DCAF6: variants seen among roughly 807,000 people sequenced by gnomAD.
DCAF6 encodes the protein DDB1- and CUL4-associated factor 6.
Under a neutral mutation model 125.1 loss-of-function variants are expected in DCAF6, and 54 were observed. That is an observed-to-expected ratio of 0.43 (90% CI 0.35 to 0.54). DCAF6 has a LOEUF of 0.54. Among genes scored for constraint, DCAF6 ranks in the 20% least tolerant of loss-of-function variants. DCAF6 has a pLI of 0.01. For missense variants in DCAF6, 934 were observed against 1,161.7 expected, an observed-to-expected ratio of 0.80 and a Z score of 2.85; for synonymous variants, 371 against 390.4, an observed-to-expected ratio of 0.95 and a Z score of 0.58.
chr1:167,984,069 C>T (rs1679590321), intron 4 of DCAF6, among the ~76,000 whole-genome samples: 1 of 152,180 alleles, frequency 6.6e-6, no homozygotes, highest in African/African-American at 2.4e-5. Flanking sequence ...TAAAGTGGCT[C>T]AAGGCTCACT....
intron 5 of DCAF6, 42 bp from the exon 6 acceptor site, chr1:167,991,162 C>A: frequency 6.6e-7 from 1 of 1,513,136 alleles, no homozygotes; most frequent in Non-Finnish European, 9.0e-7. Context: ...TTCACCTCTG[C>A]TGTATAACTA....
At chr1:167,890,162 A>T in the DCAF6 span, among the ~76,000 whole-genome samples, 4 of 152,202 alleles carry the variant, frequency 2.6e-5, no homozygotes, top group East Asian at 7.7e-4. Context: ...TATTTATTGT[A>T]GTCTTTGACA....
At chr1:167,877,344 G>A in the DCAF6 span, among the ~76,000 whole-genome samples, 53 of 151,480 alleles carry the variant, frequency 3.5e-4, no homozygotes, top group Admixed American at 1.1e-3. Flanking sequence ...TATTCAAACT[G>A]CACTTTATTG....
rs74120572 is a variant in DCAF6 at position 167,948,944 on chromosome 1, G to A, written c.98-2856G>A. ...TGGGATTACAGGTGTGAGCCACCAC[G>A]CACAGCAATCACCATGTGTTATTGA... On this transcript the variant is annotated intron_variant, in intron 1 of 21. Coordinates refer to ENST00000367840, the MANE Select transcript of DCAF6 (RefSeq NM_001198956.2). Among the ~76,000 whole-genome samples, 4 of 152,166 alleles carry A rather than the reference G, an allele frequency of 2.6e-5. No individual in the cohort carries two copies. The South Asian group carries it at 6.2e-4, about 24-fold the overall frequency.
intron 1 of DCAF6, among the ~76,000 whole-genome samples, chr1:167,947,220 C>G (rs944986796): frequency 1.3e-5 from 2 of 151,974 alleles, no homozygotes; most frequent in African/African-American, 4.8e-5. Flanking sequence ...TGTAATGTCT[C>G]CTTTTTCATT....
At chr1:167,909,032 T>C in the DCAF6 span, among the ~76,000 whole-genome samples, 1 of 152,222 alleles carries the variant, frequency 6.6e-6, no homozygotes, top group African/African-American at 2.4e-5. Context: ...CATTACCAGC[T>C]TTCCAGAAGT....
Position 168,075,109 on chromosome 1 carries a change from T to C in DCAF6, c.2792-262T>C, listed in dbSNP as rs148211991. On this transcript the variant is annotated intron_variant, in intron 21 of 21. Transcript: ENST00000367840. ...AAACCTAGACTCCAAAGAACACTGT[T>C]TGACAACCACTGCAGTAGAACATAA... 1.5e-4 allele frequency among the ~76,000 whole-genome samples: 23 copies of C among 152,350 alleles called. No homozygotes were observed. In the East Asian group the frequency reaches 4.2e-3, roughly 28 times the overall value.
chr1:168,006,812 G>A (rs960560733), intron 10 of DCAF6, among the ~76,000 whole-genome samples: 1 of 152,068 alleles, frequency 6.6e-6, no homozygotes, highest in African/African-American at 2.4e-5. Flanking sequence ...CCCTTTACAT[G>A]TCCTCCCTCA....
chr1:167,990,965 TATTG>T (rs1680739200), intron 5 of DCAF6, among the ~76,000 whole-genome samples: 2 of 152,256 alleles, frequency 1.3e-5, no homozygotes, highest in South Asian at 4.1e-4. Flanking sequence ...TCCTTAGAAA[TATTG>T]ATTGAGTATA....
chr1:168,006,892 C>T (rs895653242), intron 10 of DCAF6, among the ~76,000 whole-genome samples: 1 of 152,132 alleles, frequency 6.6e-6, no homozygotes. Context: ...CTGGTTGAAC[C>T]TAATTGTCTG....
At chr1:167,976,985 C>T (rs1037164238) in intron 4 of DCAF6, among the ~76,000 whole-genome samples, 2 of 140,348 alleles carry the variant, frequency 1.4e-5, no homozygotes, top group African/African-American at 2.7e-5. Flanking sequence ...CTCACCACAA[C>T]CTCTGCCTCC....
upstream of DCAF6, chr1:167,935,678 T>C: frequency 6.8e-7 from 1 of 1,473,642 alleles, no homozygotes; most frequent in Non-Finnish European, 9.3e-7. Context: ...AAAAGGTCCA[T>C]TTTAGAGGAA....
Position 167,936,814 on chromosome 1 carries a change from T to G in DCAF6, c.-98T>G. On this transcript the variant is annotated 5_prime_UTR_variant, in exon 1 of 22. An upstream start codon of the reference 5' UTR is lost. Transcript: ENST00000367840. Reference sequence around the variant, plus strand: ...GCGCCCTGGAGGCCCGGCGCGCGGATGGTGCCGGTGCGGCTCGGGTGTTGA... The same window carrying G: ...GCGCCCTGGAGGCCCGGCGCGCGGAGGGTGCCGGTGCGGCTCGGGTGTTGA... 9.1e-7 allele frequency: 1 copy of G among 1,102,516 alleles called. No individual in the cohort carries two copies. Among genetic ancestry groups the G allele is most frequent in the African/African-American group, 1.6e-5 (1 of 63,200 alleles). The allele number at this position is 1,102,516 out of a possible 1,614,324, so 68.3% of individuals were successfully genotyped here.
chr1:168,015,768 C>G lies in DCAF6; in HGVS notation c.1379-13C>G, dbSNP rs1488670040. 4.9e-6 allele frequency: 7 copies of G among 1,424,956 alleles called. No homozygotes were observed. In the East Asian group the frequency reaches 1.9e-4, roughly 39 times the overall value. 88.3% of individuals were successfully genotyped at this position (1,424,956 alleles called of 1,614,324 possible). The stretch of plus-strand genomic sequence containing the variant: ...TTACTGTCTTTTCACCTTTCTTTTC[C>G]TATTTGTGTCAGAATTTTTAAGGGG... On this transcript the variant is annotated splice_polypyrimidine_tract_variant and intron_variant, in intron 10 of 21. Transcript: ENST00000367840.
intron 4 of DCAF6, among the ~76,000 whole-genome samples, chr1:167,984,291 A>T (rs941480732): frequency 3.3e-5 from 5 of 152,250 alleles, no homozygotes; most frequent in Admixed American, 2.6e-4. Flanking sequence ...CTCCTTCTTG[A>T]GGAAGGTTAA....
At chr1:168,034,501 C>G (rs1687550530) in intron 12 of DCAF6, among the ~76,000 whole-genome samples, 1 of 152,068 alleles carries the variant, frequency 6.6e-6, no homozygotes, top group South Asian at 2.1e-4. Flanking sequence ...AGAGCAAGAC[C>G]CTGTCTATGG....
At chr1:168,064,619 G>C (rs1012258876) in intron 18 of DCAF6, among the ~76,000 whole-genome samples, 16 of 152,244 alleles carry the variant, frequency 1.1e-4, no homozygotes, top group African/African-American at 3.1e-4. Flanking sequence ...ATTAATAGAA[G>C]TAACCAATTT....
At chr1:167,966,053 C>T (rs1676369996) in intron 2 of DCAF6, among the ~76,000 whole-genome samples, 1 of 152,178 alleles carries the variant, frequency 6.6e-6, no homozygotes, top group African/African-American at 2.4e-5. Flanking sequence ...GCTCATGAGT[C>T]TGTGCTCTGG....
intron 7 of DCAF6, among the ~76,000 whole-genome samples, chr1:167,993,705 C>G (rs191405647): frequency 6.6e-6 from 1 of 152,042 alleles, no homozygotes; most frequent in Non-Finnish European, 1.5e-5. Flanking sequence ...GCCGAAATCA[C>G]GCCATCGCAC....
Sources: allele counts gnomAD v4.1 joint callset (sites outside exome capture counted in the v4.1 genomes callset), GRCh38; gene constraint gnomAD v4.1.1; transcripts MANE v1.5; gene names NCBI Gene and HGNC (gene_info 2026-07-23, HGNC 2026-07-21).